Variants in GRIA1 observed in about 807,000 individuals in gnomAD.
GRIA1 encodes the protein glutamate ionotropic receptor AMPA type subunit 1.
Under a neutral mutation model 99.2 loss-of-function variants are expected in GRIA1, and 31 were observed. The ratio of observed to expected loss-of-function variants is 0.31; its 90% CI spans 0.23 to 0.42. The LOEUF is 0.42. GRIA1 is among the 10% of genes least tolerant of loss of function. The pLI, the probability that GRIA1 is intolerant of heterozygous loss-of-function variation, is 1.00. For missense variants in GRIA1, 782 were observed against 1,157.5 expected (o/e 0.68, Z 4.71); for synonymous variants, 438 against 432.4 (o/e 1.01, Z -0.16).
rs1760516567 is a variant in GRIA1 at position 153,726,235 on chromosome 5, A to T, written c.1823+20168A>T. 2.0e-5 allele frequency among the ~76,000 whole-genome samples: 3 copies of T among 150,066 alleles called. No individual in the cohort carries two copies. In the South Asian group the frequency reaches 6.7e-4, roughly 33 times the overall value. ...ATACCAGAATCTCTGGGACGCATTC[A>T]AAGCAGTGTGTAGAGGGAAATTTAT... On this transcript the variant is annotated intron_variant, in intron 11 of 15. Coordinates refer to ENST00000285900, the MANE Select transcript of GRIA1 (RefSeq NM_000827.4).
At chr5:153,724,331 G>C (rs1760331116) in intron 11 of GRIA1, among the ~76,000 whole-genome samples, 1 of 151,940 alleles carries the variant, frequency 6.6e-6, no homozygotes, top group African/African-American at 2.4e-5. Flanking sequence ...ACTCTAAAAA[G>C]CAGAGCACCT....
At chr5:153,725,298 A>G (rs1581544176) in intron 11 of GRIA1, among the ~76,000 whole-genome samples, 2 of 151,952 alleles carry the variant, frequency 1.3e-5, no homozygotes, top group African/African-American at 2.4e-5. Flanking sequence ...AAATCATGCC[A>G]AATTGTAAAG....
At chr5:153,784,852 G>A (rs1231706985) in intron 13 of GRIA1, among the ~76,000 whole-genome samples, 1 of 152,166 alleles carries the variant, frequency 6.6e-6, no homozygotes, top group East Asian at 1.9e-4. Flanking sequence ...AAGCCATTAA[G>A]GAGTGCATCT....
intron 2 of GRIA1, among the ~76,000 whole-genome samples, chr5:153,626,444 CTGTGTGTG>C (rs3036985): frequency 0.12 from 17,229 of 142,336 alleles, 1,325 homozygotes; most frequent in East Asian, 0.47. Context: ...GTGTGTGTGT[CTGTGTGTG>C]TGTGTGTGTG....
At chr5:153,690,440 TA>T (rs1395293199) in intron 8 of GRIA1, among the ~76,000 whole-genome samples, 1 of 152,100 alleles carries the variant, frequency 6.6e-6, no homozygotes, top group African/African-American at 2.4e-5. Context: ...ACATCATCTC[TA>T]AAAGGGTGGT....
intron 11 of GRIA1, chr5:153,755,261 A>C (rs1762751679): frequency 6.6e-6 from 1 of 152,206 alleles, no homozygotes; most frequent in South Asian, 2.1e-4. Flanking sequence ...AATATGTTTC[A>C]AAAGATCACT....
At chr5:153,640,623 C>A (rs1753719163) in intron 2 of GRIA1, among the ~76,000 whole-genome samples, 1 of 152,188 alleles carries the variant, frequency 6.6e-6, no homozygotes, top group South Asian at 2.1e-4. Flanking sequence ...TTAACACTGA[C>A]TATAATAGCA....
At chr5:153,689,533 C>G (rs748476916) in intron 8 of GRIA1, among the ~76,000 whole-genome samples, 1 of 152,126 alleles carries the variant, frequency 6.6e-6, no homozygotes, top group South Asian at 2.1e-4. Context: ...ATTTTCTACA[C>G]GTTAGTGGTC....
chr5:153,568,022 GT>G (rs1213501745), intron 2 of GRIA1, among the ~76,000 whole-genome samples: 1 of 152,136 alleles, frequency 6.6e-6, no homozygotes, highest in Non-Finnish European at 1.5e-5. Flanking sequence ...TTTATTTTGA[GT>G]TTTTGTGGGT....
At chr5:153,659,465 A>T (rs897628586) in intron 5 of GRIA1, among the ~76,000 whole-genome samples, 13 of 152,208 alleles carry the variant, frequency 8.5e-5, no homozygotes, top group African/African-American at 3.1e-4. Context: ...AAACCCTAAC[A>T]CTGACTGTGC....
At chr5:153,567,188 T>C (rs1761716730) in intron 2 of GRIA1, among the ~76,000 whole-genome samples, 1 of 152,216 alleles carries the variant, frequency 6.6e-6, no homozygotes, top group Admixed American at 6.5e-5. Context: ...GTCCATTATG[T>C]GTCAGGAACT....
At chr5:153,492,207 CA>C in intron 1 of GRIA1, 1 of 1,533,078 alleles carries the variant, frequency 6.5e-7, no homozygotes, top group South Asian at 1.2e-5. Context: ...ACATGTGCTG[CA>C]GTACCCATCT....
intron 2 of GRIA1, among the ~76,000 whole-genome samples, chr5:153,592,759 C>T (rs1764079988): frequency 1.3e-5 from 2 of 152,112 alleles, no homozygotes; most frequent in South Asian, 4.1e-4. Context: ...GTGGCTTAAA[C>T]AAAAGATGTT....
intron 15 of GRIA1, among the ~76,000 whole-genome samples, chr5:153,804,827 C>T (rs2149676131): frequency 6.6e-6 from 1 of 152,246 alleles, no homozygotes; most frequent in East Asian, 1.9e-4. Context: ...TCTCAGCTCA[C>T]TGCAACCTCC....
chr5:153,611,684 G>A (rs958014742), intron 2 of GRIA1, among the ~76,000 whole-genome samples: 1 of 152,114 alleles, frequency 6.6e-6, no homozygotes, highest in African/African-American at 2.4e-5. Context: ...TTATAAGATG[G>A]CATATAAAAA....
chr5:153,803,392 G>A (rs1427358850), intron 15 of GRIA1, among the ~76,000 whole-genome samples: 4 of 152,182 alleles, frequency 2.6e-5, no homozygotes, highest in South Asian at 2.1e-4. Flanking sequence ...TTAATCATGT[G>A]AACAATACCA....
intron 2 of GRIA1, among the ~76,000 whole-genome samples, chr5:153,582,795 ATTTG>A (rs1475139763): frequency 6.6e-6 from 1 of 151,756 alleles, no homozygotes; most frequent in Non-Finnish European, 1.5e-5. Flanking sequence ...CCTGACTTTT[ATTTG>A]TTTGTTTATT....
At chr5:153,716,639 A>T (rs1327881719) in intron 11 of GRIA1, among the ~76,000 whole-genome samples, 1 of 149,200 alleles carries the variant, frequency 6.7e-6, no homozygotes, top group Non-Finnish European at 1.5e-5. Context: ...CAGAAATATG[A>T]GCAAAAATGT....
chr5:153,754,174 T>A (rs1390624830), intron 11 of GRIA1, among the ~76,000 whole-genome samples: 1 of 152,148 alleles, frequency 6.6e-6, no homozygotes, highest in Non-Finnish European at 1.5e-5. Flanking sequence ...CTGCGTTTAG[T>A]ATGGAGCTGG....
Sources: allele counts gnomAD v4.1 joint callset (sites outside exome capture counted in the v4.1 genomes callset), GRCh38; gene constraint gnomAD v4.1.1; transcripts MANE v1.5; gene names NCBI Gene and HGNC (gene_info 2026-07-23, HGNC 2026-07-21).